Variants in NECTIN2 observed in about 807,000 individuals in gnomAD.
NECTIN2 encodes nectin-2.
Under a neutral mutation model 56.9 loss-of-function variants are expected in NECTIN2, and 23 were observed. The observed-to-expected ratio is 0.40, with a 90% CI of 0.29 to 0.57. The LOEUF (loss-of-function observed/expected upper bound fraction) is 0.57. NECTIN2 is among the 20% of genes least tolerant of loss of function. The pLI is 0.38. For synonymous variants in NECTIN2, 302 were observed against 313.8 expected (o/e 0.96, Z 0.40); for missense variants, 587 against 718.3 (o/e 0.82, Z 2.09).
chr19:44,857,386 C>T (rs1968977072), intron 1 of NECTIN2, among the ~76,000 whole-genome samples: 2 of 151,864 alleles, frequency 1.3e-5, no homozygotes, highest in South Asian at 4.2e-4. Context: ...GGACTACAGG[C>T]CCTAGCCATC....
Position 44,873,230 on chromosome 19 carries a change from G to C in NECTIN2, c.776-686G>C, listed in dbSNP as rs529425530. ...AGCTCCCCCAGGCAACATGCATCACGTGCGCCCATAAGTGCAACAGCTCCC... is the reference window on the plus strand; with the variant it reads ...AGCTCCCCCAGGCAACATGCATCACCTGCGCCCATAAGTGCAACAGCTCCC... On this transcript the variant is annotated intron_variant, in intron 3 of 8. Coordinates refer to ENST00000252483, the MANE Select transcript of NECTIN2 (RefSeq NM_001042724.2). Among the ~76,000 whole-genome samples the C allele has an allele frequency of 2.6e-5, 4 of 152,144 alleles. No homozygotes were observed. The East Asian group carries it at 7.7e-4, about 29-fold the overall frequency.
intron 5 of NECTIN2, among the ~76,000 whole-genome samples, chr19:44,880,475 CTTTTTTTTTTTTTTTT>C (rs4013742): frequency 1.6e-4 from 11 of 68,876 alleles, no homozygotes; most frequent in African/African-American, 7.5e-4. Flanking sequence ...CCTGTCTTGC[CTTTTTTTTTTTTTTTT>C]TTTTTTTTTT....
chr19:44,884,554 TTGC>T (rs1316263310), intron 6 of NECTIN2, among the ~76,000 whole-genome samples: 1 of 152,210 alleles, frequency 6.6e-6, no homozygotes, highest in Non-Finnish European at 1.5e-5. Context: ...AACCAATAAC[TTGC>T]TGCTGATCTC....
intron 5 of NECTIN2, chr19:44,878,968 C>A: frequency 9.7e-7 from 1 of 1,027,772 alleles, no homozygotes; most frequent in African/African-American, 1.7e-5. Context: ...CATCAGACCC[C>A]CTCCTTGCAT....
At position 44,874,094 on chromosome 19, in the gene NECTIN2, C is replaced by A. The variant is rs962849951; in HGVS notation, c.893+61C>A. The stretch of plus-strand genomic sequence containing the variant: ...GAGGCGGGGCTGGGGGCCTGGACTC[C>A]TGGATCTAAGGGAGGAGGGGCTGGG... On this transcript the variant is annotated intron_variant, in intron 4 of 8. Transcript: ENST00000252483. The surrounding 1 kb of genome is among the most constrained non-coding windows in gnomAD (Gnocchi z 6.3). 5.6e-6 allele frequency: 8 copies of A among 1,425,082 alleles called. No individual in the cohort carries two copies. In the East Asian group the frequency reaches 1.8e-4, roughly 33 times the overall value. 88.3% of individuals were successfully genotyped at this position (1,425,082 alleles called of 1,614,324 possible).
intron 2 of NECTIN2, among the ~76,000 whole-genome samples, chr19:44,871,434 G>A (rs1350504067): frequency 1.3e-5 from 2 of 152,076 alleles, no homozygotes; most frequent in African/African-American, 2.4e-5. Context: ...AGGCCAAGGC[G>A]GGAGGATCAC....
chr19:44,863,841 CAA>C (rs34834700), intron 1 of NECTIN2, among the ~76,000 whole-genome samples: 2 of 132,626 alleles, frequency 1.5e-5, no homozygotes, highest in Admixed American at 7.7e-5. Context: ...GACTCAGTCT[CAA>C]AAAAAAAAAA....
In NECTIN2 at chr19:44,880,475, C is replaced by CTTTTTTTTTT. The variant is rs4013742; in HGVS notation, c.1043-1715_1043-1706dup. On this transcript the variant is annotated intron_variant, in intron 5 of 8. Coordinates refer to ENST00000252483, the MANE Select transcript of NECTIN2 (RefSeq NM_001042724.2). Reference sequence around the variant, plus strand: ...TTCTCGACCCCTTTTCCTGTCTTGCCTTTTTTTTTTTTTTTTTTTTTTTTT... The same window carrying CTTTTTTTTTT: ...TTCTCGACCCCTTTTCCTGTCTTGCCTTTTTTTTTTTTTTTTTTTTTTTTTTTTTTTTTTT... 5.8e-5 allele frequency among the ~76,000 whole-genome samples: 4 copies of CTTTTTTTTTT among 68,880 alleles called. 1 individual carries two copies. The highest frequency in any genetic ancestry group is 3.8e-4 in the Admixed American group (2 of 5,262). The allele number at this position is 68,880 out of a possible 152,430, so 45.2% of individuals were successfully genotyped here.
chr19:44,878,178 G>A (rs1969262426), intron 5 of NECTIN2: 3 of 628,112 alleles, frequency 4.8e-6, no homozygotes, highest in East Asian at 5.5e-5. Context: ...GTGATCTTGT[G>A]TCTCCCTTTC....
At chr19:44,879,054 CG>C in intron 5 of NECTIN2, 2 of 421,048 alleles carry the variant, frequency 4.8e-6, no homozygotes, top group Non-Finnish European at 6.5e-6. Flanking sequence ...CCCCGGGGAA[CG>C]AGAGCCTGGC....
At chr19:44,860,428 A>C (rs1233715223) in intron 1 of NECTIN2, among the ~76,000 whole-genome samples, 1 of 152,092 alleles carries the variant, frequency 6.6e-6, no homozygotes, top group Non-Finnish European at 1.5e-5. Flanking sequence ...TGGGAGGATC[A>C]CTTCGGCCCC....
chr19:44,869,846 G>A (rs535957795), intron 2 of NECTIN2, among the ~76,000 whole-genome samples: 8 of 152,176 alleles, frequency 5.3e-5, no homozygotes, highest in Non-Finnish European at 8.8e-5. Flanking sequence ...CTACTCAGGA[G>A]GCTAAGGCAG....
chr19:44,864,566 A>G (rs1969074011), intron 1 of NECTIN2, among the ~76,000 whole-genome samples: 1 of 152,076 alleles, frequency 6.6e-6, no homozygotes, highest in Non-Finnish European at 1.5e-5. Flanking sequence ...CACGCCTGTA[A>G]TCCCAGCACT....
chr19:44,872,337 A>G (rs1969185478), intron 3 of NECTIN2, among the ~76,000 whole-genome samples, 188 bp downstream of exon 3: 1 of 151,718 alleles, frequency 6.6e-6, no homozygotes. Context: ...CATTGTCTAC[A>G]TTGGCTTTAC....
chr19:44,885,668 AACATTTCAAGTACAAATTCAGT>A (rs1192679223), intron 6 of NECTIN2, among the ~76,000 whole-genome samples: 2 of 152,210 alleles, frequency 1.3e-5, no homozygotes, highest in East Asian at 3.9e-4. Context: ...AATTATAAAT[AACATTTCAAGTACAAATTCAGT>A]AAGTGCCCTG....
intron 2 of NECTIN2, among the ~76,000 whole-genome samples, chr19:44,869,434 T>C (rs1219007839): frequency 2.6e-5 from 4 of 151,026 alleles, no homozygotes; most frequent in Non-Finnish European, 5.9e-5. Flanking sequence ...CTACTAAAAA[T>C]ACAAAAAAAT....
intron 5 of NECTIN2, among the ~76,000 whole-genome samples, chr19:44,876,209 C>T (rs1426689971): frequency 6.6e-6 from 1 of 152,120 alleles, no homozygotes; most frequent in African/African-American, 2.4e-5. Context: ...GGTGAATGAG[C>T]CACAGTCCCT....
chr19:44,882,242 A>C lies in NECTIN2; in HGVS notation c.1074A>C (p.Thr358=). 6.5e-7 allele frequency: 1 copy of C among 1,537,490 alleles called. No individual in the cohort carries two copies. Among genetic ancestry groups the C allele is most frequent in the South Asian group, 1.2e-5 (1 of 82,000 alleles). ...ETPNTAGAGA[T]GGIIGGIIAA... is the part of the protein sequence containing the mutation. ...CCAACACAGCAGGCGCAGGGGCCAC[A>C]GGCGGCATCATCGGGGGCATCATCG... Residue 358 remains threonine, a synonymous_variant, in exon 6 of 9, where the codon ACA becomes ACC. Transcript: ENST00000252483.
chr19:44,873,785 C>A, intron 3 of NECTIN2, 131 bp from the exon 4 acceptor site: 1 of 692,454 alleles, frequency 1.4e-6, no homozygotes, highest in South Asian at 1.6e-5. Context: ...ACTGATTTGC[C>A]CCAGACAGTT....
Sources: gnomAD v4.1 joint callset for allele counts (sites outside exome capture counted in the v4.1 genomes callset) on GRCh38, gnomAD v4.1.1 for gene constraint, Gnocchi (gnomAD v3.1) non-coding constraint, MANE v1.5 for transcripts, NCBI Gene and HGNC (gene_info 2026-07-23, HGNC 2026-07-21) for gene names.